Variants in PEX5 observed in about 807,000 individuals in gnomAD.
PEX5 encodes the protein peroxisomal biogenesis factor 5, also known as PTS1 receptor.
A neutral mutation model predicts 82.9 loss-of-function variants in PEX5; 52 were observed. The ratio of observed to expected loss-of-function variants is 0.63; its 90% CI spans 0.50 to 0.79. PEX5 has a LOEUF of 0.79. Among genes scored for constraint, PEX5 ranks in the 30% least tolerant of loss-of-function variants. The pLI, the probability that PEX5 is intolerant of heterozygous loss-of-function variation, is 0.00. For synonymous variants in PEX5, 300 were observed against 318.8 expected, an observed-to-expected ratio of 0.94 and a Z score of 0.63; for missense variants, 719 against 815.2, an observed-to-expected ratio of 0.88 and a Z score of 1.44.
intron 12 of PEX5, among the ~76,000 whole-genome samples, 178 bp downstream of exon 12, chr12:7,208,258 A>T (rs1283214214): frequency 2.0e-5 from 3 of 152,068 alleles, no homozygotes; most frequent in Non-Finnish European, 4.4e-5. Context: ...TTTTGATTTT[A>T]TTTGCGGCTT....
rs755085818 is a variant in PEX5, at chr12:7,210,154, C to T, written c.1851C>T (p.Ser617=). 55 of 1,614,082 alleles carry T rather than the reference C, an allele frequency of 3.4e-5. 1 individual carries two copies. In the Admixed American group the frequency reaches 4.8e-4, roughly 14 times the overall value. ...TGGCATTGTCTATGTTAGGCCAGAG[C>T]GATGCCTATGGGGCAGCCGACGCGC... is the stretch of plus-strand genomic sequence containing the variant. ...LRLALSMLGQ[S]DAYGAADARD... The change falls in exon 16 of 16, where the codon AGC becomes AGT. Residue 617 remains serine, a synonymous_variant. Coordinates refer to ENST00000675855, the MANE Select transcript of PEX5 (RefSeq NM_001351132.2).
downstream of PEX5, among the ~76,000 whole-genome samples, chr12:7,213,911 A>T (rs1237294289): frequency 6.6e-6 from 1 of 152,160 alleles, no homozygotes; most frequent in Non-Finnish European, 1.5e-5. Flanking sequence ...AAGTGGGCGA[A>T]GGACATGAAC....
At chr12:7,213,687 C>T (rs1945692900), downstream of PEX5, among the ~76,000 whole-genome samples, 1 of 148,694 alleles carries the variant, frequency 6.7e-6, no homozygotes, top group Admixed American at 6.7e-5. Context: ...ATGTCTAAAA[C>T]ACCAAAAGCA....
intron 3 of PEX5, 106 bp downstream of exon 3, chr12:7,191,029 A>G: frequency 8.1e-7 from 1 of 1,227,050 alleles, no homozygotes; most frequent in East Asian, 2.3e-5. Flanking sequence ...TCCTGACCGA[A>G]TGAGAATGCC....
chr12:7,202,357 A>G lies in PEX5; in HGVS notation c.753+6A>G, dbSNP rs1380759666. The G allele has an allele frequency of 6.2e-7, 1 of 1,614,068 alleles. No homozygotes were observed. ...CAGAGTTTATACAGCAGCAGGTAGG[A>G]CATTGTCACTTTCCAGTCCCACTTC... On this transcript the variant is annotated splice_donor_region_variant and intron_variant, in intron 8 of 15. Coordinates refer to ENST00000675855, the MANE Select transcript of PEX5 (RefSeq NM_001351132.2).
downstream of PEX5, among the ~76,000 whole-genome samples, chr12:7,215,583 C>T (rs1469002751): frequency 6.6e-6 from 1 of 152,164 alleles, no homozygotes; most frequent in East Asian, 1.9e-4. Context: ...AAATCACGAC[C>T]TTCGCAGCAG....
chr12:7,203,178 ACT>A (rs1944327620), intron 9 of PEX5, among the ~76,000 whole-genome samples: 4 of 101,958 alleles, frequency 3.9e-5, no homozygotes, highest in African/African-American at 1.4e-4. Flanking sequence ...ACTAAACTAA[ACT>A]ATGCACTGCA....
intron 5 of PEX5, among the ~76,000 whole-genome samples, chr12:7,196,579 TTA>T (rs1216991746): frequency 6.0e-5 from 1 of 16,622 alleles, no homozygotes; most frequent in African/African-American, 1.5e-4. Flanking sequence ...AATGTAATAA[TTA>T]TATATGTCAC....
chr12:7,208,355 T>C (rs995522963), intron 12 of PEX5, 102 bp from the exon 13 acceptor site: 1 of 845,822 alleles, frequency 1.2e-6, no homozygotes, highest in East Asian at 2.6e-5. Flanking sequence ...GGTGAGGCCA[T>C]TGTGACTCTG....
Position 7,208,075 on chromosome 12 carries a change from G to T in PEX5, c.1176G>T (p.Leu392Phe). 1 of 1,611,006 alleles carries T rather than the reference G, an allele frequency of 6.2e-7. No individual in the cohort carries two copies. Among genetic ancestry groups the T allele is most frequent in the Non-Finnish European group, 8.5e-7 (1 of 1,177,072 alleles). Reference sequence around the variant, plus strand: ...AAGAACTATTAGCCATCAGTGCATTGCGGAGGTGAGTACACTGAAAGGTGT... The same window carrying T: ...AAGAACTATTAGCCATCAGTGCATTTCGGAGGTGAGTACACTGAAAGGTGT... ...NEQELLAISALRRCLELKPDN... is the reference protein window; with the variant it reads ...NEQELLAISAFRRCLELKPDN... Residue 392 changes from leucine to phenylalanine, a missense_variant, in exon 12 of 16, where the codon TTG becomes TTT. Leu to Phe is a conservative substitution (Grantham distance 22). Transcript: ENST00000675855.
In PEX5 at chr12:7,208,643, G is replaced by A; in HGVS notation, c.1368G>A (p.Lys456=). The change falls in exon 13 of 16, where the codon AAG becomes AAA. Residue 456 remains lysine (K), a synonymous_variant. Coordinates refer to ENST00000675855, the MANE Select transcript of PEX5 (RefSeq NM_001351132.2). ...GTGGGGCAGGACTGGGCCCCAGCAA[G>A]CGTATCCTGGGATCTCTCTTGTCTG... ...GAGGAGLGPS[K]RILGSLLSDS... 6.2e-7 allele frequency: 1 copy of A among 1,613,900 alleles called. No individual in the cohort carries two copies.
chr12:7,194,575 A>AT (rs941613546), intron 5 of PEX5, among the ~76,000 whole-genome samples: 3 of 152,260 alleles, frequency 2.0e-5, no homozygotes, highest in South Asian at 2.1e-4. Context: ...CATGAAGTTC[A>AT]TTTTTTTAGC....
intron 5 of PEX5, among the ~76,000 whole-genome samples, chr12:7,197,455 TGTA>T (rs1474775215): frequency 9.1e-6 from 1 of 110,240 alleles, no homozygotes; most frequent in Non-Finnish European, 2.1e-5. Flanking sequence ...TTATATATAA[TGTA>T]ATAATTATAT....
At chr12:7,201,496 C>T (rs897187721) in intron 6 of PEX5, among the ~76,000 whole-genome samples, 1 of 152,088 alleles carries the variant, frequency 6.6e-6, no homozygotes, top group African/African-American at 2.4e-5. Flanking sequence ...TTGTTCCCTT[C>T]TTAATTTTGA....
At chr12:7,190,238 C>T (rs1309129198) in intron 1 of PEX5, 124 bp from the exon 2 acceptor site, 7 of 1,590,034 alleles carry the variant, frequency 4.4e-6, no homozygotes, top group South Asian at 1.1e-5. Context: ...AGCAAAAGCA[C>T]TGGGGTGGAG....
intron 17 of PEX5, among the ~76,000 whole-genome samples, chr12:7,216,657 A>G (rs1369700165): frequency 6.6e-6 from 1 of 152,204 alleles, no homozygotes; most frequent in Non-Finnish European, 1.5e-5. Flanking sequence ...AATGAAATTT[A>G]GACCCAGAAC....
downstream of PEX5, among the ~76,000 whole-genome samples, chr12:7,211,843 T>A (rs768994518): frequency 6.6e-6 from 1 of 152,240 alleles, no homozygotes; most frequent in East Asian, 1.9e-4. Flanking sequence ...TCGGGAACTG[T>A]ATCAAGTGCC....
intron 10 of PEX5, 100 bp from the exon 11 acceptor site, chr12:7,207,559 G>T: frequency 1.8e-6 from 2 of 1,142,802 alleles, no homozygotes; most frequent in South Asian, 1.2e-5. Context: ...GAACCTGTTT[G>T]GAGGCCCTCA....
exon 18 of PEX5, chr12:7,218,509 A>G (rs1437666946): frequency 6.6e-6 from 1 of 152,230 alleles, no homozygotes; most frequent in Non-Finnish European, 1.5e-5. Context: ...CAATTCATGT[A>G]GGAAAACAAA....
Sources: gnomAD v4.1 joint callset for allele counts (sites outside exome capture counted in the v4.1 genomes callset) on GRCh38, gnomAD v4.1.1 for gene constraint, MANE v1.5 for transcripts, NCBI Gene and HGNC (gene_info 2026-07-23, HGNC 2026-07-21) for gene names.